Variants in PDE9A observed in about 807,000 individuals in gnomAD.
PDE9A encodes the protein phosphodiesterase 9A.
PDE9A carries 60 observed loss-of-function variants against 87.4 expected under a neutral mutation model. The ratio of observed to expected loss-of-function variants is 0.69; its 90% CI spans 0.56 to 0.85. The LOEUF (loss-of-function observed/expected upper bound fraction) is 0.85, where lower values mean the gene tolerates loss of function less well. Ranked by LOEUF, PDE9A falls within the 40% of genes least tolerant of loss-of-function variation. The probability of loss-of-function intolerance (pLI) is 0.00; values close to 1 mark genes in which losing one functional copy is unlikely to be tolerated. For synonymous variants in PDE9A, 272 were observed against 279.4 expected, an observed-to-expected ratio of 0.97 and a Z score of 0.27; for missense variants, 665 against 779.0, an observed-to-expected ratio of 0.85 and a Z score of 1.74.
At chr21:42,712,147 T>G (rs976354404) in intron 4 of PDE9A, among the ~76,000 whole-genome samples, 3 of 152,208 alleles carry the variant, frequency 2.0e-5, no homozygotes, top group African/African-American at 7.2e-5. Context: ...TTAACCATAC[T>G]GAGTCTTCCA....
chr21:42,679,554 C>T (rs1049635848), intron 1 of PDE9A, among the ~76,000 whole-genome samples: 3 of 152,118 alleles, frequency 2.0e-5, no homozygotes, highest in African/African-American at 7.2e-5. Context: ...GCTGCTGCGC[C>T]GGCCTGAGCT....
intron 7 of PDE9A, among the ~76,000 whole-genome samples, chr21:42,742,847 G>T (rs1240806379): frequency 1.3e-5 from 2 of 152,118 alleles, no homozygotes; most frequent in East Asian, 1.9e-4. Context: ...GGTGGTGCCA[G>T]CTGATCCATC....
chr21:42,754,019 C>G lies in PDE9A; in HGVS notation c.765C>G (p.Ala255=). 6.2e-7 allele frequency: 1 copy of G among 1,613,456 alleles called. No homozygotes were observed. The highest frequency in any genetic ancestry group is 8.5e-7 in the Non-Finnish European group (1 of 1,179,568). ...KYLLSPETIE[A]LRKPTFDVWL... The stretch of plus-strand genomic sequence containing the variant: ...TGCTCTCTCCAGAGACCATCGAGGC[C>G]CTGCGGAAGCCGACCTTTGACGTCT... Residue 255 remains alanine (A), a synonymous_variant, in exon 10 of 20, where the codon GCC becomes GCG. Transcript: ENST00000291539.
rs757469841 is a variant in PDE9A at position 42,704,873 on chromosome 21, C to T, written c.262+5862C>T. On this transcript the variant is annotated intron_variant, in intron 4 of 19. Coordinates refer to ENST00000291539, the MANE Select transcript of PDE9A (RefSeq NM_002606.3). This position sits in a 1 kb window ranked among gnomAD's most constrained non-coding sequence, Gnocchi z 5.3. Reference sequence around the variant, plus strand: ...TTTCAGTAAATGCCTCTAACGGGCCCGGTGGAACTGTGCAATGCAGAAACA... The same window carrying T: ...TTTCAGTAAATGCCTCTAACGGGCCTGGTGGAACTGTGCAATGCAGAAACA... Among the ~76,000 whole-genome samples the T allele has an allele frequency of 1.4e-4, 22 of 152,310 alleles. No individual in the cohort carries two copies. The highest frequency in any genetic ancestry group is 7.7e-4 in the East Asian group (4 of 5,190).
rs750440190 is a variant in PDE9A at position 42,775,316 on chromosome 21, A to G, written c.*23A>G. 1.2e-6 allele frequency: 2 copies of G among 1,608,558 alleles called. No individual in the cohort carries two copies. Among genetic ancestry groups the G allele is most frequent in the South Asian group, 1.1e-5 (1 of 89,880 alleles). Reference sequence around the variant, plus strand: ...TGAGGAAAGCGGGGGGCGTGGCTGCAGTTCTGGACGGGCTGGCCGAGCTGC... The same window carrying G: ...TGAGGAAAGCGGGGGGCGTGGCTGCGGTTCTGGACGGGCTGGCCGAGCTGC... On this transcript the variant is annotated 3_prime_UTR_variant, in exon 20 of 20. Transcript: ENST00000291539.
At chr21:42,716,848 T>C (rs1185657292) in intron 4 of PDE9A, among the ~76,000 whole-genome samples, 1 of 144,118 alleles carries the variant, frequency 6.9e-6, no homozygotes, top group Non-Finnish European at 1.5e-5. Flanking sequence ...CCTCCTAGGT[T>C]CAAGCGATTC....
At chr21:42,771,610 G>A (rs2057031719) in intron 18 of PDE9A, among the ~76,000 whole-genome samples, 1 of 152,190 alleles carries the variant, frequency 6.6e-6, no homozygotes, top group African/African-American at 2.4e-5. Flanking sequence ...CCTAGTTACT[G>A]TGCCCACCAC....
chr21:42,726,371 T>C (rs2051034163), intron 4 of PDE9A, among the ~76,000 whole-genome samples: 1 of 151,842 alleles, frequency 6.6e-6, no homozygotes, highest in Admixed American at 6.6e-5. Context: ...CTGTCAAGTC[T>C]AAGAACTCCC....
At position 42,659,202 on chromosome 21, in the gene PDE9A, C is replaced by A. The variant is rs903909861; in HGVS notation, c.69+5319C>A. The stretch of plus-strand genomic sequence containing the variant: ...CACACTCCTTCCCATTGGTGTGGTC[C>A]GAATTCCCCTTTAGCCAGACATTTC... On this transcript the variant is annotated intron_variant, in intron 1 of 19. Transcript: ENST00000291539. This position sits in a 1 kb window ranked among gnomAD's most constrained non-coding sequence, Gnocchi z 4.1. 6.6e-6 allele frequency among the ~76,000 whole-genome samples: 1 copy of A among 152,168 alleles called. No individual in the cohort carries two copies. Among genetic ancestry groups the A allele is most frequent in the Admixed American group, 6.5e-5 (1 of 15,282 alleles).
intron 14 of PDE9A, among the ~76,000 whole-genome samples, chr21:42,764,696 G>A (rs1412900737): frequency 1.3e-5 from 2 of 152,140 alleles, no homozygotes; most frequent in African/African-American, 4.8e-5. Context: ...CTCCTCTGGG[G>A]GTAAAATTAG....
intron 1 of PDE9A, among the ~76,000 whole-genome samples, chr21:42,681,823 C>A (rs187195514): frequency 2.1e-3 from 316 of 152,334 alleles, no homozygotes; most frequent in African/African-American, 5.9e-3. Context: ...ATCTCATTTT[C>A]AAATTTCATT....
chr21:42,680,109 G>A (rs1186870627), intron 1 of PDE9A, among the ~76,000 whole-genome samples: 1 of 152,188 alleles, frequency 6.6e-6, no homozygotes, highest in East Asian at 1.9e-4. Context: ...CACAGCCTCC[G>A]CTGCCCCCGG....
chr21:42,772,525 T>C lies in PDE9A; in HGVS notation c.1768+5T>C. The C allele has an allele frequency of 6.3e-7, 1 of 1,579,850 alleles. No homozygotes were observed. The highest frequency in any genetic ancestry group is 8.6e-7 in the Non-Finnish European group (1 of 1,156,490). On this transcript the variant is annotated splice_donor_5th_base_variant and intron_variant, in intron 19 of 19. Coordinates refer to ENST00000291539, the MANE Select transcript of PDE9A (RefSeq NM_002606.3). ...GAGATGTGAAAAACAGTGAAGGTAA[T>C]GCTTGCTCTGCTGAAGTGGCATCTC...
intron 1 of PDE9A, among the ~76,000 whole-genome samples, chr21:42,662,819 A>ATAT (rs2057651366): frequency 7.0e-6 from 1 of 142,430 alleles, no homozygotes. Context: ...ACACACGCAC[A>ATAT]CACACGCACA....
intron 7 of PDE9A, among the ~76,000 whole-genome samples, chr21:42,735,575 C>T (rs922889045): frequency 2.0e-5 from 3 of 152,184 alleles, no homozygotes; most frequent in East Asian, 1.9e-4. Context: ...CAATCCTTAC[C>T]GTTCCTGAGC....
At chr21:42,754,709 C>T (rs1201906021) in intron 10 of PDE9A, among the ~76,000 whole-genome samples, 1 of 152,018 alleles carries the variant, frequency 6.6e-6, no homozygotes, top group African/African-American at 2.4e-5. Context: ...GCAGTTTTCC[C>T]CATACTGTTC....
intron 14 of PDE9A, among the ~76,000 whole-genome samples, chr21:42,763,369 T>C (rs1439258301): frequency 6.6e-6 from 1 of 152,126 alleles, no homozygotes; most frequent in Admixed American, 6.5e-5. Flanking sequence ...CAAAGACTAG[T>C]GTCCTTGGAC....
intron 7 of PDE9A, among the ~76,000 whole-genome samples, chr21:42,742,178 C>A (rs2053350778): frequency 6.6e-6 from 1 of 152,128 alleles, no homozygotes; most frequent in African/African-American, 2.4e-5. Context: ...TTGAGGTACA[C>A]CTTTGCAGTG....
chr21:42,706,233 C>T (rs1040652201), intron 4 of PDE9A, among the ~76,000 whole-genome samples: 1 of 152,214 alleles, frequency 6.6e-6, no homozygotes, highest in South Asian at 2.1e-4. Flanking sequence ...GTAGAACACA[C>T]AGCAAATTCT....
Sources: allele counts gnomAD v4.1 joint callset (sites outside exome capture counted in the v4.1 genomes callset), GRCh38; gene constraint gnomAD v4.1.1; non-coding constraint Gnocchi (gnomAD v3.1); transcripts MANE v1.5; gene names NCBI Gene and HGNC (gene_info 2026-07-23, HGNC 2026-07-21).